HNRNPK: variants seen among roughly 807,000 people sequenced by gnomAD.
HNRNPK encodes heterogeneous nuclear ribonucleoprotein K.
In HNRNPK, 7 loss-of-function variants were observed where a neutral mutation model predicts 67.0. The ratio of observed to expected loss-of-function variants is 0.10; its 90% CI spans 0.06 to 0.20. The LOEUF (loss-of-function observed/expected upper bound fraction) is 0.20. HNRNPK is among the 10% of genes least tolerant of loss of function. HNRNPK has a pLI of 1.00. For synonymous variants in HNRNPK, 213 were observed against 193.7 expected (o/e 1.10, Z -0.83); for missense variants, 264 against 606.5 (o/e 0.44, Z 5.93).
intron 13 of HNRNPK, 80 bp from the exon 14 acceptor site, chr9:83,970,992 A>C (rs1956808025): frequency 2.1e-6 from 3 of 1,397,518 alleles, no homozygotes; most frequent in Admixed American, 3.4e-5. Flanking sequence ...TCATTTAATA[A>C]AATGGAGTCT....
At chr9:83,977,917 C>T in intron 3 of HNRNPK, 131 bp from the exon 4 acceptor site, 2 of 627,638 alleles carry the variant, frequency 3.2e-6, no homozygotes, top group Non-Finnish European at 2.8e-6. Context: ...CAGACTTGAA[C>T]GTTATGCTTC....
At chr9:83,976,274 GTTAT>G (rs1957060067) in intron 5 of HNRNPK, among the ~76,000 whole-genome samples, 1 of 152,076 alleles carries the variant, frequency 6.6e-6, no homozygotes, top group South Asian at 2.1e-4. Flanking sequence ...TCGACACAAA[GTTAT>G]TTGCCTCATT....
At position 83,970,223 on chromosome 9, in the gene HNRNPK, T is replaced by A. The variant is rs1166405478; in HGVS notation, c.1300A>T (p.Ile434Phe). Residue 434 changes from isoleucine to phenylalanine, a missense_variant, in exon 16 of 17, where the codon ATC becomes TTC. This residue lies in a region of HNRNPK where 24 missense variants were observed against 103.3 expected (regional missense o/e 0.23). Transcript: ENST00000376263. ...TCCTGTGTTCCTGTAATGGTAATGA[T>A]CCGATCTTCGGATCCTTCTAAAGGC... ...DEPLEGSEDRIITITGTQDQI... is the reference protein window; with the variant it reads ...DEPLEGSEDRFITITGTQDQI... 1 of 1,613,662 alleles carries A rather than the reference T, an allele frequency of 6.2e-7. No individual in the cohort carries two copies. The highest frequency in any genetic ancestry group is 8.5e-7 in the Non-Finnish European group (1 of 1,179,630).
chr9:83,980,133 C>T lies in HNRNPK; in HGVS notation c.-108+20G>A, dbSNP rs1957320169. ...CCGACCCTCACCTCCACGAGCCGCT[C>T]CCCCAACCCGGCTCCTCACCGCGCG... On this transcript the variant is annotated intron_variant, in intron 1 of 16. Coordinates refer to ENST00000376263, the MANE Select transcript of HNRNPK (RefSeq NM_031263.4). The T allele has an allele frequency of 6.5e-6, 1 of 152,714 alleles. No individual in the cohort carries two copies. Among genetic ancestry groups the T allele is most frequent in the Non-Finnish European group, 1.5e-5 (1 of 68,372 alleles). 9.5% of individuals were successfully genotyped at this position (152,714 alleles called of 1,614,324 possible).
Position 83,973,922 on chromosome 9 carries a change from C to G in HNRNPK, c.382G>C (p.Asp128His). 6.2e-7 allele frequency: 1 copy of G among 1,613,816 alleles called. No homozygotes were observed. Among genetic ancestry groups the G allele is most frequent in the Non-Finnish European group, 8.5e-7 (1 of 1,179,806 alleles). The change falls in exon 8 of 17, where the codon GAT becomes CAT. Residue 128 changes from aspartate (D) to histidine (H), a missense_variant. Asp to His is a moderately conservative substitution (Grantham distance 81, BLOSUM62 -1). Coordinates refer to ENST00000376263, the MANE Select transcript of HNRNPK (RefSeq NM_031263.4). ...TATSQLPLES[D>H]AVECLNYQHY... ...CATACATTTAAGCATTCCACAGCAT[C>G]AGATTCGAGCGGGAGCTGGCTGGTT...
In HNRNPK at chr9:83,974,346, TA is replaced by T. The variant is rs35198637; in HGVS notation, c.330+170del. 0.19 allele frequency among the ~76,000 whole-genome samples: 27,566 copies of T among 143,580 alleles called. 2,743 individuals carry two copies. The highest frequency in any genetic ancestry group is 0.24 in the African/African-American group (9,110 of 38,168). 94.2% of individuals were successfully genotyped at this position (143,580 alleles called of 152,430 possible). ...GGAGTGGCCAGCCTGTTTTTTTTTT[TA>T]AAAAAAAAAAAACAAATTACGCATG... is the stretch of plus-strand genomic sequence containing the variant. On this transcript the variant is annotated intron_variant, in intron 7 of 16. Coordinates refer to ENST00000376263, the MANE Select transcript of HNRNPK (RefSeq NM_031263.4).
intron 5 of HNRNPK, 30 bp downstream of exon 5, chr9:83,976,965 C>T (rs750571645): frequency 9.5e-6 from 13 of 1,372,102 alleles, no homozygotes; most frequent in African/African-American, 2.9e-5. Context: ...TGAAGCTGCT[C>T]GTGTAGTAGT....
chr9:83,976,714 A>G (rs1957079094), intron 5 of HNRNPK: 1 of 278,570 alleles, frequency 3.6e-6, no homozygotes, highest in Admixed American at 5.1e-5. Context: ...CTTTGTCGCT[A>G]TTTCTAATTA....
chr9:83,977,863 T>C (rs1420839433), intron 3 of HNRNPK, 77 bp from the exon 4 acceptor site: 8 of 900,966 alleles, frequency 8.9e-6, no homozygotes, highest in East Asian at 2.4e-5. Context: ...AAGAGACTTG[T>C]TGCTAATCTT....
chr9:83,978,141 G>C, intron 3 of HNRNPK, 54 bp downstream of exon 3: 2 of 1,168,852 alleles, frequency 1.7e-6, no homozygotes, highest in South Asian at 2.5e-5. Flanking sequence ...AACAGAAAAA[G>C]GCAATTTATT....
At chr9:83,974,268 C>T (rs1435651661) in intron 7 of HNRNPK, among the ~76,000 whole-genome samples, 2 of 148,440 alleles carry the variant, frequency 1.3e-5, no homozygotes, top group Non-Finnish European at 3.0e-5. Flanking sequence ...CCATAAAATA[C>T]ATACTAAACC....
chr9:83,970,973 T>A (rs1006188137), intron 13 of HNRNPK, 61 bp from the exon 14 acceptor site: 3 of 1,516,164 alleles, frequency 2.0e-6, no homozygotes, highest in Admixed American at 3.4e-5. Context: ...ACCGGTACTT[T>A]AAAAAAATTC....
chr9:83,971,007 A>C, intron 13 of HNRNPK, 95 bp from the exon 14 acceptor site: 1 of 1,265,408 alleles, frequency 7.9e-7, no homozygotes, highest in Admixed American at 1.8e-5. Flanking sequence ...GAGTCTTGCT[A>C]TGTTGCCCAG....
intron 6 of HNRNPK, 132 bp downstream of exon 6, chr9:83,975,330 G>T: frequency 1.2e-6 from 1 of 837,472 alleles, no homozygotes; most frequent in Non-Finnish European, 1.9e-6. Context: ...ACTTAATGGG[G>T]AAAATAAGAC....
At chr9:83,979,804 G>A (rs3793477) in intron 1 of HNRNPK, among the ~76,000 whole-genome samples, 2 of 151,898 alleles carry the variant, frequency 1.3e-5, no homozygotes, top group African/African-American at 4.8e-5. Context: ...TCCGACCCCG[G>A]GCCGGGAGAC....
intron 7 of HNRNPK, among the ~76,000 whole-genome samples, 166 bp from the exon 8 acceptor site, chr9:83,974,139 C>T (rs1475232258): frequency 6.6e-6 from 1 of 152,096 alleles, no homozygotes; most frequent in South Asian, 2.1e-4. Context: ...ATATTTTTCT[C>T]TATATACACC....
chr9:83,978,500 C>T (rs2133067477), intron 1 of HNRNPK, 48 bp from the exon 2 acceptor site: 1 of 540,150 alleles, frequency 1.9e-6, no homozygotes, highest in Non-Finnish European at 2.7e-6. Context: ...ATTCTTATTA[C>T]TGAATATTTG....
chr9:83,972,154 G>C lies in HNRNPK; in HGVS notation c.681C>G (p.Pro227=), dbSNP rs1157173812. ...PIKGRAQPYD[P]NFYDETYDYG... is the part of the protein sequence containing the mutation. The stretch of plus-strand genomic sequence containing the variant: ...AATCATAGGTTTCATCGTAAAAATT[G>C]GGATCATAAGGCTGTGCACGTCCTT... Residue 227 remains proline (P), a synonymous_variant, in exon 11 of 17, where the codon CCC becomes CCG. Transcript: ENST00000376263. 1.9e-6 allele frequency: 3 copies of C among 1,612,356 alleles called. No individual in the cohort carries two copies. In the African/African-American group the frequency reaches 4.0e-5, roughly 22 times the overall value.
intron 10 of HNRNPK, 157 bp from the exon 11 acceptor site, chr9:83,972,346 A>T: frequency 1.7e-6 from 1 of 603,768 alleles, no homozygotes. Context: ...AAAAGTAGCA[A>T]AGTAAAGATT....
Sources: allele counts gnomAD v4.1 joint callset (sites outside exome capture counted in the v4.1 genomes callset), GRCh38; gene constraint gnomAD v4.1.1; regional missense constraint gnomAD v4.1.1; transcripts MANE v1.5; gene names NCBI Gene and HGNC (gene_info 2026-07-23, HGNC 2026-07-21).